The following SYTL3 variants were observed in gnomAD, a reference collection of about 807,000 sequenced individuals.
The protein encoded by SYTL3 is synaptotagmin-like protein 3.
Under a neutral mutation model 82.1 loss-of-function variants are expected in SYTL3, and 88 were observed. The observed-to-expected ratio is 1.07, with a 90% confidence interval of 0.90 to 1.28. SYTL3 has a LOEUF of 1.28. Ranked by LOEUF, SYTL3 falls within the 50% of genes most tolerant of loss-of-function variation. The pLI is 0.00. For missense variants in SYTL3, 831 were observed against 757.6 expected (o/e 1.10, Z -1.14); for synonymous variants, 311 against 289.4 (o/e 1.07, Z -0.76).
At chr6:158,646,313 T>C (rs916807777), upstream of SYTL3, among the ~76,000 whole-genome samples, 1 of 152,068 alleles carries the variant, frequency 6.6e-6, no homozygotes, top group Non-Finnish European at 1.5e-5. Context: ...TTCCAGGCAC[T>C]AGCCACCACA....
intron 6 of SYTL3, among the ~76,000 whole-genome samples, chr6:158,696,438 C>G (rs974605809): frequency 1.3e-5 from 2 of 151,428 alleles, no homozygotes; most frequent in African/African-American, 4.9e-5. Flanking sequence ...CTCCTGACCT[C>G]GTGATCTGCC....
intron 11 of SYTL3, among the ~76,000 whole-genome samples, chr6:158,739,591 T>C (rs1786662946): frequency 6.6e-6 from 1 of 152,090 alleles, no homozygotes; most frequent in East Asian, 1.9e-4. Flanking sequence ...TCTGTCTCTT[T>C]CTCTCCCTCT....
At chr6:158,646,318 A>G (rs1346010734), upstream of SYTL3, among the ~76,000 whole-genome samples, 2 of 152,098 alleles carry the variant, frequency 1.3e-5, no homozygotes, top group Admixed American at 6.6e-5. Context: ...GGCACTAGCC[A>G]CCACACCCAC....
chr6:158,649,500 A>C (rs1787747087), upstream of SYTL3, among the ~76,000 whole-genome samples: 1 of 152,244 alleles, frequency 6.6e-6, no homozygotes. Flanking sequence ...ATTGCTCTCC[A>C]GAGCAAGTCC....
At chr6:158,744,450 C>G (rs577867517) in intron 11 of SYTL3, among the ~76,000 whole-genome samples, 3 of 151,490 alleles carry the variant, frequency 2.0e-5, no homozygotes, top group African/African-American at 7.3e-5. Context: ...GGGACTATAG[C>G]TGGGACGCCA....
chr6:158,756,137 G>A (rs1314763188), intron 13 of SYTL3, among the ~76,000 whole-genome samples: 2 of 152,256 alleles, frequency 1.3e-5, no homozygotes, highest in African/African-American at 4.8e-5. Flanking sequence ...AGGCTGAGGT[G>A]GAGTCAGCCA....
chr6:158,717,914 C>CA (rs1783611934), intron 9 of SYTL3, among the ~76,000 whole-genome samples, 173 bp from the exon 10 acceptor site: 1 of 152,164 alleles, frequency 6.6e-6, no homozygotes, highest in African/African-American at 2.4e-5. Flanking sequence ...CTCACCTTCC[C>CA]AACACCTCTG....
upstream of SYTL3, among the ~76,000 whole-genome samples, chr6:158,646,076 C>T (rs529148185): frequency 1.8e-4 from 28 of 152,282 alleles, no homozygotes; most frequent in Admixed American, 1.7e-3. Context: ...ACTAATGTAT[C>T]CCCTTCCTTC....
At chr6:158,675,241 T>C (rs556068278) in intron 5 of SYTL3, among the ~76,000 whole-genome samples, 14 of 152,248 alleles carry the variant, frequency 9.2e-5, no homozygotes, top group Non-Finnish European at 1.9e-4. Context: ...TAGCTGTGAA[T>C]ATAGCACTGG....
chr6:158,702,818 C>G (rs1371317373), intron 6 of SYTL3, among the ~76,000 whole-genome samples: 2 of 151,766 alleles, frequency 1.3e-5, no homozygotes, highest in Admixed American at 6.6e-5. Context: ...GACGTTGTGA[C>G]TTTGGGCCCA....
At chr6:158,695,969 GA>G (rs1482602408) in intron 6 of SYTL3, among the ~76,000 whole-genome samples, 5 of 152,186 alleles carry the variant, frequency 3.3e-5, no homozygotes. Flanking sequence ...TGACCATTGT[GA>G]ATAATGCTGC....
intron 12 of SYTL3, among the ~76,000 whole-genome samples, chr6:158,750,108 CA>C (rs1788208145): frequency 6.6e-6 from 1 of 151,938 alleles, no homozygotes; most frequent in South Asian, 2.1e-4. Flanking sequence ...AGATGAATCC[CA>C]AACATAATAT....
At chr6:158,746,447 A>ATTAT (rs1554263731) in intron 12 of SYTL3, among the ~76,000 whole-genome samples, 3 of 120,930 alleles carry the variant, frequency 2.5e-5, no homozygotes, top group African/African-American at 8.4e-5. Flanking sequence ...CATTATAATA[A>ATTAT]TAATAATAAT....
intron 6 of SYTL3, among the ~76,000 whole-genome samples, chr6:158,700,042 G>T (rs1361191133): frequency 6.6e-6 from 1 of 151,952 alleles, no homozygotes; most frequent in East Asian, 2.0e-4. Flanking sequence ...GATAACCTGA[G>T]GTCAGGAGTT....
intron 2 of SYTL3, among the ~76,000 whole-genome samples, chr6:158,660,953 G>C (rs1176831338): frequency 6.6e-6 from 1 of 152,192 alleles, no homozygotes; most frequent in Non-Finnish European, 1.5e-5. Context: ...TACTCGGGAG[G>C]CGGAGGCTAA....
chr6:158,683,701 T>G (rs1778986429), intron 6 of SYTL3, among the ~76,000 whole-genome samples: 1 of 152,240 alleles, frequency 6.6e-6, no homozygotes, highest in Non-Finnish European at 1.5e-5. Flanking sequence ...CTACAAGCAG[T>G]AACTGTGATT....
In SYTL3 at chr6:158,751,931, T is replaced by G. The variant is rs776889721; in HGVS notation, c.1038T>G (p.Tyr346Ter). 1.3e-6 allele frequency: 2 copies of G among 1,595,348 alleles called. No individual in the cohort carries two copies. The highest frequency in any genetic ancestry group is 3.5e-5 in the Admixed American group (2 of 57,376). The change falls in exon 13 of 18, where the codon TAT becomes TAG. Residue 346 changes from tyrosine to a stop codon, truncating the protein, a stop_gained. Transcript: ENST00000611299. LOFTEE classifies it high-confidence loss of function. ...GEEKKKKCNP[Y>*]VKTYLLPDRS... ...CCCCGCTGTGTTTGGCCCCTAGGTA[T>G]GTGAAGACCTACCTGTTGCCCGACA...
chr6:158,688,216 A>G (rs1401151864), intron 6 of SYTL3, among the ~76,000 whole-genome samples: 2 of 152,176 alleles, frequency 1.3e-5, no homozygotes, highest in Non-Finnish European at 1.5e-5. Flanking sequence ...TTTTCATGTT[A>G]TAGATAACTC....
At chr6:158,691,069 A>G (rs963600680) in intron 6 of SYTL3, among the ~76,000 whole-genome samples, 1 of 152,098 alleles carries the variant, frequency 6.6e-6, no homozygotes, top group Non-Finnish European at 1.5e-5. Flanking sequence ...ATGTTTGGCT[A>G]AGGGCGGTGG....
Sources: gnomAD v4.1 joint callset for allele counts (sites outside exome capture counted in the v4.1 genomes callset) on GRCh38, gnomAD v4.1.1 for gene constraint, MANE v1.5 for transcripts, NCBI Gene and HGNC (gene_info 2026-07-23, HGNC 2026-07-21) for gene names.